Variants in FBXO38 observed in about 807,000 individuals in gnomAD.
FBXO38 encodes the protein F-box protein 38.
Under a neutral mutation model 131.9 loss-of-function variants are expected in FBXO38, and 53 were observed. The ratio of observed to expected loss-of-function variants is 0.40; its 90% CI spans 0.32 to 0.51. The LOEUF (loss-of-function observed/expected upper bound fraction) is 0.51. Ranked by LOEUF, FBXO38 falls within the 20% of genes least tolerant of loss-of-function variation. The pLI, the probability that FBXO38 is intolerant of heterozygous loss-of-function variation, is 0.53. For synonymous variants in FBXO38, 452 were observed against 505.6 expected, an observed-to-expected ratio of 0.89 and a Z score of 1.42; for missense variants, 1,076 against 1,475.6, an observed-to-expected ratio of 0.73 and a Z score of 4.44.
At chr5:148,418,956 T>C (rs1320219230) in intron 12 of FBXO38, among the ~76,000 whole-genome samples, 1 of 152,210 alleles carries the variant, frequency 6.6e-6, no homozygotes, top group African/African-American at 2.4e-5. Context: ...GATTTATAAA[T>C]ACGGTTTCAG....
At chr5:148,410,892 G>A (rs972181988) in intron 9 of FBXO38, 127 bp downstream of exon 9, 6 of 794,474 alleles carry the variant, frequency 7.6e-6, no homozygotes, top group Admixed American at 3.5e-5. Flanking sequence ...GTGCTCTCAC[G>A]TCTTGAAAAA....
At position 148,439,776 on chromosome 5, in the gene FBXO38, A is replaced by G. The variant is rs758812899; in HGVS notation, c.3154A>G (p.Ile1052Val). 2.5e-6 allele frequency: 4 copies of G among 1,613,906 alleles called. No individual in the cohort carries two copies. The South Asian group carries it at 3.3e-5, about 13-fold the overall frequency. The stretch of plus-strand genomic sequence containing the variant: ...GCGCATTCGCAGCTGGATGGACACT[A>G]TAGCAAACATCAATCAGTAAGTAAC... ...KVRIRSWMDT[I>V]ANINQELIKY... The change falls in exon 19 of 22, where the codon ATA becomes GTA. Residue 1052 changes from isoleucine (I) to valine (V), a missense_variant. This residue lies in a region of FBXO38 where 282 missense variants were observed against 418.8 expected (regional missense o/e 0.67). Transcript: ENST00000340253.
Position 148,439,691 on chromosome 5 carries a change from C to T in FBXO38, c.3069C>T (p.Tyr1023=), listed in dbSNP as rs574358356. ...TLEQKLFSGP[Y]PYHICIIHEF... is the part of the protein sequence containing the mutation. The stretch of plus-strand genomic sequence containing the variant: ...AGCAGAAGCTATTTAGTGGTCCCTA[C>T]CCCTATCACATCTGTATTATCCATG... Residue 1023 remains tyrosine, a synonymous_variant, in exon 19 of 22, where the codon TAC becomes TAT. Coordinates refer to ENST00000340253, the MANE Select transcript of FBXO38 (RefSeq NM_205836.3). 3.1e-6 allele frequency: 5 copies of T among 1,608,320 alleles called. No homozygotes were observed. The South Asian group carries it at 4.4e-5, about 14-fold the overall frequency.
At chr5:148,439,533 A>G (rs1409744701) in intron 18 of FBXO38, 114 bp from the exon 19 acceptor site, 7 of 1,020,614 alleles carry the variant, frequency 6.9e-6, no homozygotes, top group Middle Eastern at 2.3e-4. Flanking sequence ...TGATTTTCAA[A>G]TCAGCCAGAG....
intron 8 of FBXO38, chr5:148,410,329 T>G: frequency 2.9e-6 from 1 of 345,038 alleles, no homozygotes; most frequent in Non-Finnish European, 5.3e-6. Flanking sequence ...TCTCACTAGA[T>G]CCAATGGTTT....
At position 148,403,258 on chromosome 5, in the gene FBXO38, T is replaced by TA. The variant is rs1415991069; in HGVS notation, c.592+747dup. On this transcript the variant is annotated intron_variant, in intron 5 of 21. Coordinates refer to ENST00000340253, the MANE Select transcript of FBXO38 (RefSeq NM_205836.3). ...GTTCATTGCAAATATAAGTACAGGG[T>TA]AAGTTTTATTAAAATGCATTAATTT... 2.0e-5 allele frequency among the ~76,000 whole-genome samples: 3 copies of TA among 152,102 alleles called. No individual in the cohort carries two copies. In the East Asian group the frequency reaches 5.8e-4, roughly 29 times the overall value.
chr5:148,399,575 C>CT (rs1224538653), intron 3 of FBXO38: 2 of 155,416 alleles, frequency 1.3e-5, no homozygotes, highest in Non-Finnish European at 2.9e-5. Context: ...CCACAGAACT[C>CT]CAATTTCTTT....
intron 11 of FBXO38, 89 bp from the exon 12 acceptor site, chr5:148,416,905 A>C: frequency 1.3e-6 from 1 of 745,304 alleles, no homozygotes; most frequent in Non-Finnish European, 2.4e-6. Context: ...TATTAGTTAT[A>C]ATGTAAAGGT....
chr5:148,416,080 A>G lies in FBXO38; in HGVS notation c.1407+10A>G, dbSNP rs1461172967. 2.6e-6 allele frequency: 4 copies of G among 1,521,686 alleles called. No homozygotes were observed. The highest frequency in any genetic ancestry group is 1.3e-5 in the South Asian group (1 of 77,972). The allele number at this position is 1,521,686 out of a possible 1,614,324, so 94.3% of individuals were successfully genotyped here. A position where few individuals can be genotyped will look rare whatever the true frequency, so the allele number is the denominator to read the frequency against. Reference sequence around the variant, plus strand: ...TCGTGAACCACCCAAGGTAAGATACATTTGAGGGAGTTTTTGTTTATTTTG... The same window carrying G: ...TCGTGAACCACCCAAGGTAAGATACGTTTGAGGGAGTTTTTGTTTATTTTG... On this transcript the variant is annotated intron_variant, in intron 11 of 21. Coordinates refer to ENST00000340253, the MANE Select transcript of FBXO38 (RefSeq NM_205836.3).
chr5:148,440,335 G>A, intron 19 of FBXO38, 89 bp from the exon 20 acceptor site: 1 of 773,876 alleles, frequency 1.3e-6, no homozygotes, highest in South Asian at 1.6e-5. Context: ...TAGAATCTGT[G>A]TCCGAAACAG....
rs545773095 is a variant in FBXO38, at chr5:148,402,830, G to A, written c.592+317G>A. On this transcript the variant is annotated intron_variant, in intron 5 of 21. Coordinates refer to ENST00000340253, the MANE Select transcript of FBXO38 (RefSeq NM_205836.3). ...TGGCTTAGGCCACTGAAAGGAATTC[G>A]GGGGTCCCTGTTAATATAGCTGGCC... 4.6e-5 allele frequency among the ~76,000 whole-genome samples: 7 copies of A among 152,142 alleles called. No homozygotes were observed. In the East Asian group the frequency reaches 7.7e-4, roughly 17 times the overall value.
At chr5:148,386,437 AC>A (rs1757917586) in intron 1 of FBXO38, among the ~76,000 whole-genome samples, 1 of 151,828 alleles carries the variant, frequency 6.6e-6, no homozygotes, top group Non-Finnish European at 1.5e-5. Flanking sequence ...GTGAATATGA[AC>A]CCCCTGAAAT....
In FBXO38 at chr5:148,416,022, C is replaced by T. The variant is rs556404221; in HGVS notation, c.1359C>T (p.Pro453=). 1.3e-5 allele frequency: 21 copies of T among 1,612,856 alleles called. No individual in the cohort carries two copies. The South Asian group carries it at 1.8e-4, about 14-fold the overall frequency. The change falls in exon 11 of 22, where the codon CCC becomes CCT. Residue 453 remains proline, a synonymous_variant. Transcript: ENST00000340253. ...TTGGCCAGTTTATTGAATTATTACCCAGCCTAGAGTTTATTTCACTGGATC... is the reference window on the plus strand; with the variant it reads ...TTGGCCAGTTTATTGAATTATTACCTAGCCTAGAGTTTATTTCACTGGATC... ...DSFGQFIELL[P]SLEFISLDQM... is the part of the protein sequence containing the mutation.
At chr5:148,407,621 A>G (rs1312289448) in intron 7 of FBXO38, among the ~76,000 whole-genome samples, 1 of 151,850 alleles carries the variant, frequency 6.6e-6, no homozygotes, top group African/African-American at 2.4e-5. Context: ...ATCAAAAGGC[A>G]TGATTGAGAG....
At position 148,427,036 on chromosome 5, in the gene FBXO38, A is replaced by G. The variant is rs1413485842; in HGVS notation, c.1919-177A>G. Among the ~76,000 whole-genome samples, 3 of 152,206 alleles carry G rather than the reference A, an allele frequency of 2.0e-5. No individual in the cohort carries two copies. The East Asian group carries it at 5.8e-4, about 29-fold the overall frequency. The stretch of plus-strand genomic sequence containing the variant: ...GCTAAGGAGTATAAACCAGATAGAC[A>G]CTAGGGAGCCATAGAGAATTTTATA... On this transcript the variant is annotated intron_variant, in intron 14 of 21. Transcript: ENST00000340253.
At chr5:148,431,906 C>T (rs1421956766) in intron 15 of FBXO38, among the ~76,000 whole-genome samples, 1 of 152,152 alleles carries the variant, frequency 6.6e-6, no homozygotes, top group Non-Finnish European at 1.5e-5. Context: ...GCCAAAGCAG[C>T]TGCTTTGAAT....
In FBXO38 at chr5:148,404,646, T is replaced by C. The variant is rs771744722; in HGVS notation, c.593-39T>C. On this transcript the variant is annotated intron_variant, in intron 5 of 21. Coordinates refer to ENST00000340253, the MANE Select transcript of FBXO38 (RefSeq NM_205836.3). ...AGCAAAATATAGTATATTTTTGTGA[T>C]TTTTTTCTTGTTTGTTCTTTTTTAT... 2.2e-5 allele frequency: 33 copies of C among 1,505,196 alleles called. 1 individual carries two copies. The Admixed American group carries it at 6.7e-4, about 30-fold the overall frequency. 93.2% of individuals were successfully genotyped at this position (1,505,196 alleles called of 1,614,324 possible).
At chr5:148,427,189 C>A (rs764207858) in intron 14 of FBXO38, 24 bp from the exon 15 acceptor site, 2 of 1,550,286 alleles carry the variant, frequency 1.3e-6, no homozygotes, top group Non-Finnish European at 1.7e-6. Context: ...TTTCCTCGGG[C>A]CGTTCTTCTT....
At chr5:148,439,209 A>G (rs2113665705) in intron 18 of FBXO38, among the ~76,000 whole-genome samples, 1 of 152,308 alleles carries the variant, frequency 6.6e-6, no homozygotes, top group East Asian at 1.9e-4. Context: ...GCCATGAGAA[A>G]AAAGCAATGT....
Sources: gnomAD v4.1 joint callset for allele counts (sites outside exome capture counted in the v4.1 genomes callset) on GRCh38, gnomAD v4.1.1 for gene constraint, gnomAD v4.1.1 regional missense constraint, MANE v1.5 for transcripts, NCBI Gene and HGNC (gene_info 2026-07-23, HGNC 2026-07-21) for gene names.